The following RTN4IP1 variants were observed in gnomAD, a reference collection of about 807,000 sequenced individuals.
RTN4IP1 encodes the protein NAD(P)H oxidoreductase RTN4IP1, mitochondrial.
A neutral mutation model predicts 46.6 loss-of-function variants in RTN4IP1; 32 were observed. The observed-to-expected ratio is 0.69, with a 90% CI of 0.52 to 0.92. The LOEUF (loss-of-function observed/expected upper bound fraction) is 0.92. RTN4IP1 is among the 40% of genes least tolerant of loss of function. RTN4IP1 has a pLI of 0.00. For missense variants in RTN4IP1, 424 were observed against 485.8 expected (o/e 0.87, Z 1.20); for synonymous variants, 167 against 161.8 (o/e 1.03, Z -0.24).
intron 8 of RTN4IP1, among the ~76,000 whole-genome samples, chr6:106,576,822 T>C (rs1464584021): frequency 6.6e-6 from 1 of 152,202 alleles, no homozygotes; most frequent in African/African-American, 2.4e-5. Flanking sequence ...ACAGAGAACA[T>C]CTCTATCACT....
intron 8 of RTN4IP1, among the ~76,000 whole-genome samples, chr6:106,579,179 T>A (rs1323517260): frequency 6.6e-6 from 1 of 150,872 alleles, no homozygotes; most frequent in Admixed American, 6.6e-5. Context: ...GAGGTTGCAG[T>A]GAGCCGAGAT....
At chr6:106,619,465 A>G (rs962150840) in intron 3 of RTN4IP1, 139 bp from the exon 4 acceptor site, 1 of 952,480 alleles carries the variant, frequency 1.0e-6, no homozygotes, top group African/African-American at 1.7e-5. Context: ...TTATACGTGG[A>G]TTTCCTGCCT....
rs1776551159 is a variant in RTN4IP1, at chr6:106,623,597, A to G, written c.275-628T>C. Among the ~76,000 whole-genome samples, 5 of 152,234 alleles carry G rather than the reference A, an allele frequency of 3.3e-5. No homozygotes were observed. In the South Asian group the frequency reaches 1.0e-3, roughly 31 times the overall value. On this transcript the variant is annotated intron_variant, in intron 1 of 8. Coordinates refer to ENST00000369063, the MANE Select transcript of RTN4IP1 (RefSeq NM_032730.5). ...TGCCATTACATGGGAAAGCATAAAA[A>G]GATTTTCTTTAAAAAAAATTTACTT...
chr6:106,583,242 C>T, intron 8 of RTN4IP1, 86 bp downstream of exon 8: 1 of 1,015,106 alleles, frequency 9.9e-7, no homozygotes, highest in Non-Finnish European at 1.5e-6. Flanking sequence ...CTGTAGAGTC[C>T]CTACTAACGA....
intron 8 of RTN4IP1, among the ~76,000 whole-genome samples, chr6:106,577,148 T>C (rs1355374021): frequency 6.6e-6 from 1 of 152,062 alleles, no homozygotes; most frequent in Non-Finnish European, 1.5e-5. Flanking sequence ...CAAAAATATC[T>C]TCCTGGCCGT....
At chr6:106,625,884 G>A (rs1268696731) in intron 1 of RTN4IP1, among the ~76,000 whole-genome samples, 5 of 151,956 alleles carry the variant, frequency 3.3e-5, no homozygotes, top group Non-Finnish European at 5.9e-5. Flanking sequence ...TCGAACTCCT[G>A]ATCTCAGGTG....
At chr6:106,629,834 G>T (rs1190786136), upstream of RTN4IP1, 2 of 1,121,708 alleles carry the variant, frequency 1.8e-6, no homozygotes, top group Non-Finnish European at 2.6e-6. Flanking sequence ...CTGAGTGGGG[G>T]ATAAGTACCT....
intron 8 of RTN4IP1, among the ~76,000 whole-genome samples, chr6:106,576,970 G>A (rs1775244559): frequency 6.6e-6 from 1 of 152,174 alleles, no homozygotes. Flanking sequence ...TGGTGCATAA[G>A]AACTATTCTG....
chr6:106,602,727 T>A, intron 5 of RTN4IP1, 147 bp downstream of exon 5: 1 of 504,318 alleles, frequency 2.0e-6, no homozygotes, highest in Non-Finnish European at 3.5e-6. Flanking sequence ...AAAAAAAGAA[T>A]ATTTTCCTCT....
At chr6:106,597,851 G>A (rs1411047091) in intron 5 of RTN4IP1, among the ~76,000 whole-genome samples, 3 of 151,664 alleles carry the variant, frequency 2.0e-5, no homozygotes, top group Non-Finnish European at 2.9e-5. Flanking sequence ...CCCGCTCCCC[G>A]CACCCCACCA....
At chr6:106,623,558 A>G (rs1037568875) in intron 1 of RTN4IP1, among the ~76,000 whole-genome samples, 4 of 152,164 alleles carry the variant, frequency 2.6e-5, no homozygotes, top group African/African-American at 9.7e-5. Context: ...AAAGTAATCA[A>G]CCTTATAATT....
At chr6:106,589,867 A>G (rs534519710) in intron 6 of RTN4IP1, among the ~76,000 whole-genome samples, 1 of 152,330 alleles carries the variant, frequency 6.6e-6, no homozygotes, top group African/African-American at 2.4e-5. Flanking sequence ...AGTTCCCCCT[A>G]CTAGAAAAGT....
intron 6 of RTN4IP1, among the ~76,000 whole-genome samples, chr6:106,591,640 C>G (rs1775665315): frequency 6.6e-6 from 1 of 151,972 alleles, no homozygotes; most frequent in African/African-American, 2.4e-5. Flanking sequence ...TCAACATGAC[C>G]CAAGAGAATT....
intron 1 of RTN4IP1, among the ~76,000 whole-genome samples, chr6:106,625,661 CTTTTTTTT>C (rs773454257): frequency 1.8e-5 from 2 of 112,798 alleles, no homozygotes; most frequent in East Asian, 2.9e-4. Flanking sequence ...TCTTTTTTTT[CTTTTTTTT>C]TTTTTTTTTT....
At chr6:106,624,158 T>C (rs1021268547) in intron 1 of RTN4IP1, among the ~76,000 whole-genome samples, 3 of 151,978 alleles carry the variant, frequency 2.0e-5, no homozygotes, top group Admixed American at 2.0e-4. Flanking sequence ...AGGGTTCAAG[T>C]GATTCTCCTG....
At chr6:106,605,852 TAC>T (rs1297080823) in intron 4 of RTN4IP1, among the ~76,000 whole-genome samples, 2 of 133,616 alleles carry the variant, frequency 1.5e-5, no homozygotes, top group East Asian at 5.0e-4. Flanking sequence ...AAAGAAATCA[TAC>T]AGAGACTACA....
chr6:106,623,040 T>C (rs2114682264), intron 1 of RTN4IP1, 71 bp from the exon 2 acceptor site: 10 of 1,465,670 alleles, frequency 6.8e-6, no homozygotes, highest in Non-Finnish European at 9.4e-6. Context: ...TACAGGGTTA[T>C]AGTCCAGTAC....
rs9486424 is a variant in RTN4IP1 at position 106,604,712 on chromosome 6, C to T, written c.621-1790G>A. Among the ~76,000 whole-genome samples the T allele has an allele frequency of 2.1e-3, 320 of 152,244 alleles. 1 individual carries two copies. Among genetic ancestry groups the T allele is most frequent in the African/African-American group, 7.0e-3 (292 of 41,546 alleles). ...CCTAGGCTACTGTCTGTTCTTTGGG[C>T]CCATTCATCTCCCCTCAAAATAATT... On this transcript the variant is annotated intron_variant, in intron 4 of 8. Coordinates refer to ENST00000369063, the MANE Select transcript of RTN4IP1 (RefSeq NM_032730.5).
chr6:106,591,811 T>C (rs941272050), intron 6 of RTN4IP1, among the ~76,000 whole-genome samples: 3 of 152,196 alleles, frequency 2.0e-5, no homozygotes, highest in African/African-American at 4.8e-5. Context: ...GGGCTAATCA[T>C]GTATTTCATG....
Sources: gnomAD v4.1 joint callset for allele counts (sites outside exome capture counted in the v4.1 genomes callset) on GRCh38, gnomAD v4.1.1 for gene constraint, MANE v1.5 for transcripts, NCBI Gene and HGNC (gene_info 2026-07-23, HGNC 2026-07-21) for gene names.